Variants in WNT9B observed in about 807,000 individuals in gnomAD.
The protein encoded by WNT9B is protein Wnt-9b.
A neutral mutation model predicts 30.2 loss-of-function variants in WNT9B; 12 were observed. The ratio of observed to expected loss-of-function variants is 0.40; its 90% confidence interval spans 0.26 to 0.64. WNT9B has a LOEUF of 0.64. Among genes scored for constraint, WNT9B ranks in the 30% least tolerant of loss-of-function variants. WNT9B has a pLI of 0.42. For missense variants in WNT9B, 442 were observed against 485.2 expected (o/e 0.91, Z 0.84); for synonymous variants, 218 against 216.9 (o/e 1.01, Z -0.05).
At chr17:46,871,641 C>T (rs2085245797) in intron 1 of WNT9B, among the ~76,000 whole-genome samples, 1 of 152,204 alleles carries the variant, frequency 6.6e-6, no homozygotes, top group African/African-American at 2.4e-5. Context: ...GAGAAGATCA[C>T]TCTGCCCAGT....
chr17:46,874,925 G>A (rs1203504089), intron 2 of WNT9B, 176 bp from the exon 3 acceptor site: 7 of 970,154 alleles, frequency 7.2e-6, no homozygotes, highest in Non-Finnish European at 1.2e-5. Flanking sequence ...TTAAGGGGCA[G>A]TTGACAGGGA....
chr17:46,849,909 G>A (rs190972702), upstream of WNT9B, among the ~76,000 whole-genome samples: 7 of 151,294 alleles, frequency 4.6e-5, no homozygotes, highest in African/African-American at 9.7e-5. Context: ...GTGCAATGGC[G>A]TGATTTCGGC....
chr17:46,870,671 A>T (rs990800390), intron 1 of WNT9B, among the ~76,000 whole-genome samples: 1 of 152,168 alleles, frequency 6.6e-6, no homozygotes, highest in African/African-American at 2.4e-5. Context: ...CCCTCTGGTG[A>T]GGCTTCCAAC....
At chr17:46,851,306 C>G (rs939607474), upstream of WNT9B, among the ~76,000 whole-genome samples, 10 of 152,154 alleles carry the variant, frequency 6.6e-5, no homozygotes, top group South Asian at 2.1e-3. The surrounding 1 kb of genome is among the most constrained non-coding windows in gnomAD (Gnocchi z 4.3). Flanking sequence ...CCCCGCCTCT[C>G]CAGGCCCGGG....
At chr17:46,865,112 G>A (rs2085109941) in intron 1 of WNT9B, among the ~76,000 whole-genome samples, 2 of 152,198 alleles carry the variant, frequency 1.3e-5, no homozygotes, top group Non-Finnish European at 2.9e-5. Flanking sequence ...CAGGGACAAA[G>A]GCTTCCTCTC....
At chr17:46,840,522 C>G (rs1350283562) in intron 1 of WNT9B, among the ~76,000 whole-genome samples, 1 of 152,220 alleles carries the variant, frequency 6.6e-6, no homozygotes, top group Non-Finnish European at 1.5e-5. Flanking sequence ...TGTGTACATA[C>G]CCAGTAATGG....
At chr17:46,857,130 T>C (rs894180110) in intron 1 of WNT9B, among the ~76,000 whole-genome samples, 3 of 152,194 alleles carry the variant, frequency 2.0e-5, no homozygotes, top group Admixed American at 2.0e-4. Context: ...TTCCTTTGTA[T>C]GGCTATACCA....
Position 46,851,690 on chromosome 17 carries a change from CCCGCCG to C in WNT9B, c.61_66del (p.Ala21_Ala22del). On this transcript the variant is annotated inframe_deletion, in exon 1 of 4. Coordinates refer to ENST00000290015, the MANE Select transcript of WNT9B (RefSeq NM_003396.3). This position sits in a 1 kb window ranked among gnomAD's most constrained non-coding sequence, Gnocchi z 4.3. ...GGCCGGGCTCTGCCTGCTGGCGCTG[CCCGCCG>C]CCGCCGCCTCCTACTTCGGGTCAGT... The C allele has an allele frequency of 7.6e-7, 1 of 1,308,706 alleles. No homozygotes were observed. Among genetic ancestry groups the C allele is most frequent in the South Asian group, 2.3e-5 (1 of 43,002 alleles). 81.1% of individuals were successfully genotyped at this position (1,308,706 alleles called of 1,614,324 possible).
At chr17:46,861,500 C>T (rs2085037220) in intron 1 of WNT9B, among the ~76,000 whole-genome samples, 1 of 152,180 alleles carries the variant, frequency 6.6e-6, no homozygotes. Flanking sequence ...TCACCTAGGC[C>T]TGGCCAACTG....
At chr17:46,882,217 A>G (rs2085432592), downstream of WNT9B, among the ~76,000 whole-genome samples, 1 of 152,196 alleles carries the variant, frequency 6.6e-6, no homozygotes, top group Admixed American at 6.5e-5. Flanking sequence ...CCACTCAAGA[A>G]TTAGGCATTG....
At chr17:46,858,293 G>A (rs1291974426) in intron 1 of WNT9B, among the ~76,000 whole-genome samples, 3 of 152,002 alleles carry the variant, frequency 2.0e-5, no homozygotes, top group East Asian at 1.9e-4. Flanking sequence ...ATTCCTGCCC[G>A]TGACTTGCCG....
chr17:46,864,758 C>A (rs918150274), intron 1 of WNT9B, among the ~76,000 whole-genome samples: 1 of 152,158 alleles, frequency 6.6e-6, no homozygotes, highest in Admixed American at 6.5e-5. Flanking sequence ...GGGCCACAGA[C>A]CCAGCCCTGC....
At chr17:46,863,952 C>A (rs949986054) in intron 1 of WNT9B, among the ~76,000 whole-genome samples, 2 of 152,144 alleles carry the variant, frequency 1.3e-5, no homozygotes, top group African/African-American at 4.8e-5. Context: ...AGGGTGTGGG[C>A]CATCCGTGGG....
At chr17:46,875,493 G>T (rs773990549) in intron 3 of WNT9B, 127 bp downstream of exon 3, 88 of 1,307,694 alleles carry the variant, frequency 6.7e-5, no homozygotes, top group Non-Finnish European at 8.8e-5. Flanking sequence ...ATAAAGGCAG[G>T]ATGAACTTCA....
At chr17:46,851,016 G>T (rs1297363379), upstream of WNT9B, among the ~76,000 whole-genome samples, 1 of 152,178 alleles carries the variant, frequency 6.6e-6, no homozygotes, top group Admixed American at 6.5e-5. The surrounding 1 kb of genome is among the most constrained non-coding windows in gnomAD (Gnocchi z 4.3). Flanking sequence ...AAGACTCTTT[G>T]CCTGGCAACA....
At chr17:46,834,719 GA>G in intron 1 of WNT9B, among the ~76,000 whole-genome samples, 1 of 152,196 alleles carries the variant, frequency 6.6e-6, no homozygotes, top group East Asian at 1.9e-4. Context: ...TTTTAACCTG[GA>G]AGGTTCCCTC....
At chr17:46,850,015 T>C (rs1333282487), upstream of WNT9B, among the ~76,000 whole-genome samples, 4 of 152,150 alleles carry the variant, frequency 2.6e-5, no homozygotes, top group Non-Finnish European at 5.9e-5. Flanking sequence ...ACCCGGCTAA[T>C]GTCTTTGTAT....
At chr17:46,844,672 C>T (rs1474281762) in intron 1 of WNT9B, among the ~76,000 whole-genome samples, 1 of 152,144 alleles carries the variant, frequency 6.6e-6, no homozygotes, top group African/African-American at 2.4e-5. Context: ...CAAGAACTTA[C>T]TCAGATGAAA....
intron 1 of WNT9B, among the ~76,000 whole-genome samples, chr17:46,856,763 C>T (rs1275179122): frequency 2.6e-5 from 4 of 151,940 alleles, no homozygotes; most frequent in Non-Finnish European, 5.9e-5. Context: ...GAATTATGGG[C>T]GTGCACCACC....
Sources: allele counts gnomAD v4.1 joint callset (sites outside exome capture counted in the v4.1 genomes callset), GRCh38; gene constraint gnomAD v4.1.1; non-coding constraint Gnocchi (gnomAD v3.1); transcripts MANE v1.5; gene names NCBI Gene and HGNC (gene_info 2026-07-23, HGNC 2026-07-21).